Variants in SORCS3 observed in about 807,000 individuals in gnomAD.
SORCS3 encodes sortilin related VPS10 domain containing receptor 3.
Under a neutral mutation model 146.3 loss-of-function variants are expected in SORCS3, and 57 were observed. The ratio of observed to expected loss-of-function variants is 0.39; its 90% CI spans 0.31 to 0.49. SORCS3 has a LOEUF of 0.49. Among genes scored for constraint, SORCS3 ranks in the 20% least tolerant of loss-of-function variants. The probability of loss-of-function intolerance (pLI) is 0.92; values close to 1 mark genes in which losing one functional copy is unlikely to be tolerated. For missense variants in SORCS3, 1,341 were observed against 1,575.5 expected (o/e 0.85, Z 2.52); for synonymous variants, 653 against 618.5 (o/e 1.06, Z -0.83).
intron 1 of SORCS3, among the ~76,000 whole-genome samples, chr10:104,828,681 C>T (rs574747852): frequency 5.7e-4 from 86 of 152,186 alleles, no homozygotes; most frequent in African/African-American, 2.0e-3. Context: ...AAAAGAAAAC[C>T]ACAGTATCTG....
At chr10:104,680,071 C>T (rs537667901) in intron 1 of SORCS3, among the ~76,000 whole-genome samples, 9 of 152,266 alleles carry the variant, frequency 5.9e-5, no homozygotes, top group Admixed American at 2.0e-4. Context: ...ACATCTGGAC[C>T]GGCTGGATTC....
chr10:105,111,728 A>G (rs1164176443), intron 7 of SORCS3, among the ~76,000 whole-genome samples: 1 of 152,210 alleles, frequency 6.6e-6, no homozygotes, highest in Non-Finnish European at 1.5e-5. Flanking sequence ...AACAAATATA[A>G]TGTAATATGA....
At chr10:104,835,118 A>C (rs1274818482) in intron 1 of SORCS3, among the ~76,000 whole-genome samples, 2 of 152,078 alleles carry the variant, frequency 1.3e-5, no homozygotes, top group African/African-American at 4.8e-5. Context: ...CTGGACACCC[A>C]GTTGGTGTCC....
chr10:105,197,315 A>G (rs1438765401), intron 14 of SORCS3, among the ~76,000 whole-genome samples: 1 of 152,202 alleles, frequency 6.6e-6, no homozygotes. Flanking sequence ...CCTTTGAATA[A>G]TCTGATAAAA....
chr10:104,686,651 T>A (rs1038686239), intron 1 of SORCS3, among the ~76,000 whole-genome samples: 4 of 152,196 alleles, frequency 2.6e-5, no homozygotes, highest in Non-Finnish European at 5.9e-5. Context: ...TTGTTCTTTC[T>A]CCTTATGCAT....
rs568467201 is a variant in SORCS3 at position 105,077,587 on chromosome 10, A to G, written c.1029-12188A>G. 5.2e-4 allele frequency among the ~76,000 whole-genome samples: 79 copies of G among 151,766 alleles called. 1 individual carries two copies. The South Asian group carries it at 0.016, about 31-fold the overall frequency. On this transcript the variant is annotated intron_variant, in intron 5 of 26. Coordinates refer to ENST00000369701, the MANE Select transcript of SORCS3 (RefSeq NM_014978.3). The stretch of plus-strand genomic sequence containing the variant: ...ACACAGAGGGATGGTATTAGGATCC[A>G]AGTAATAAATACATATAGTTAGACT...
intron 3 of SORCS3, among the ~76,000 whole-genome samples, chr10:104,955,590 T>C (rs2019480810): frequency 6.6e-6 from 1 of 152,254 alleles, no homozygotes; most frequent in Non-Finnish European, 1.5e-5. Flanking sequence ...GTGTCTCCCT[T>C]TGGGAGGATT....
chr10:104,959,639 G>T (rs182664245), intron 3 of SORCS3, among the ~76,000 whole-genome samples: 1 of 152,218 alleles, frequency 6.6e-6, no homozygotes. Context: ...TGCATTCCTC[G>T]CAGGGTAGAG....
At chr10:104,676,258 G>A (rs1303147309) in intron 1 of SORCS3, among the ~76,000 whole-genome samples, 2 of 152,048 alleles carry the variant, frequency 1.3e-5, no homozygotes, top group African/African-American at 2.4e-5. Flanking sequence ...TAGAAGTGGT[G>A]GTAGACATAA....
intron 4 of SORCS3, among the ~76,000 whole-genome samples, chr10:105,028,331 A>C (rs1179822825): frequency 6.6e-6 from 1 of 152,238 alleles, no homozygotes; most frequent in Non-Finnish European, 1.5e-5. Flanking sequence ...AATGAATGAA[A>C]TGTAGTCAAG....
chr10:104,912,111 A>G (rs1462794646), intron 2 of SORCS3, among the ~76,000 whole-genome samples: 1 of 152,130 alleles, frequency 6.6e-6, no homozygotes, highest in East Asian at 1.9e-4. Context: ...TACATATTGC[A>G]GTAGTCCTGA....
At chr10:104,887,978 C>A (rs2018708389) in intron 2 of SORCS3, among the ~76,000 whole-genome samples, 1 of 143,134 alleles carries the variant, frequency 7.0e-6, no homozygotes, top group African/African-American at 2.7e-5. Context: ...GGGGGCGGAG[C>A]AAGCCCATGA....
At chr10:105,197,884 A>G (rs1363937958) in intron 14 of SORCS3, among the ~76,000 whole-genome samples, 2 of 152,166 alleles carry the variant, frequency 1.3e-5, no homozygotes, top group African/African-American at 4.8e-5. Flanking sequence ...TTCAATTTCC[A>G]ATGATGACCA....
At chr10:104,897,190 C>T (rs1436673991) in intron 2 of SORCS3, among the ~76,000 whole-genome samples, 2 of 152,228 alleles carry the variant, frequency 1.3e-5, no homozygotes, top group Non-Finnish European at 2.9e-5. Context: ...CTCTCTCAGT[C>T]TGTACAAAAG....
intron 2 of SORCS3, among the ~76,000 whole-genome samples, chr10:104,899,675 C>T (rs1329617993): frequency 6.6e-6 from 1 of 152,176 alleles, no homozygotes; most frequent in African/African-American, 2.4e-5. Flanking sequence ...ATTACTCTCC[C>T]AGACAGGGGT....
chr10:104,737,468 A>C (rs1042476001), intron 1 of SORCS3, among the ~76,000 whole-genome samples: 21 of 152,276 alleles, frequency 1.4e-4, no homozygotes, highest in Middle Eastern at 3.4e-3. Flanking sequence ...ACTGATGGCC[A>C]TTCTAACTGG....
intron 2 of SORCS3, among the ~76,000 whole-genome samples, chr10:104,892,253 C>G (rs2018756537): frequency 6.6e-6 from 1 of 152,138 alleles, no homozygotes; most frequent in African/African-American, 2.4e-5. Flanking sequence ...GGGAGATGCA[C>G]TAAGCTAGTT....
At chr10:105,108,222 G>A (rs1183880127) in intron 7 of SORCS3, among the ~76,000 whole-genome samples, 1 of 152,176 alleles carries the variant, frequency 6.6e-6, no homozygotes, top group Non-Finnish European at 1.5e-5. Context: ...TCAGAGAGGA[G>A]CGTGGAGCCA....
chr10:105,072,946 C>A (rs1414294098), intron 5 of SORCS3, among the ~76,000 whole-genome samples: 2 of 152,108 alleles, frequency 1.3e-5, no homozygotes, highest in African/African-American at 4.8e-5. Flanking sequence ...TTCACCATAA[C>A]CCTGCGAGGT....
Sources: gnomAD v4.1 joint callset for allele counts (sites outside exome capture counted in the v4.1 genomes callset) on GRCh38, gnomAD v4.1.1 for gene constraint, MANE v1.5 for transcripts, NCBI Gene and HGNC (gene_info 2026-07-23, HGNC 2026-07-21) for gene names.